LUM: variants seen among roughly 807,000 people sequenced by gnomAD.
The protein encoded by LUM is lumican, also known as KSPG lumican.
A neutral mutation model predicts 20.5 loss-of-function variants in LUM; 13 were observed. The ratio of observed to expected loss-of-function variants is 0.63; its 90% CI spans 0.41 to 1.01. The LOEUF is 1.01. Ranked by LOEUF, LUM falls within the 50% of genes least tolerant of loss-of-function variation. LUM has a pLI of 0.00. For synonymous variants in LUM, 173 were observed against 151.5 expected, an observed-to-expected ratio of 1.14 and a Z score of -1.04; for missense variants, 321 against 391.1, an observed-to-expected ratio of 0.82 and a Z score of 1.51.
intron 2 of LUM, among the ~76,000 whole-genome samples, chr12:91,106,623 G>A (rs1324860943): frequency 5.1e-5 from 7 of 136,838 alleles, no homozygotes; most frequent in Non-Finnish European, 7.6e-5. Flanking sequence ...GAGAAAGTGT[G>A]GAAATATCAA....
At chr12:91,106,273 C>T (rs1325597181) in intron 2 of LUM, among the ~76,000 whole-genome samples, 1 of 152,178 alleles carries the variant, frequency 6.6e-6, no homozygotes, top group African/African-American at 2.4e-5. Flanking sequence ...TACCTTTATT[C>T]AGCATGGCCA....
intron 2 of LUM, among the ~76,000 whole-genome samples, chr12:91,107,263 G>GA (rs369295129): frequency 1.2e-5 from 1 of 84,724 alleles, no homozygotes; most frequent in Non-Finnish European, 2.3e-5. Context: ...AAGAAAGAAA[G>GA]AAAGAAAGAA....
intron 2 of LUM, among the ~76,000 whole-genome samples, chr12:91,106,081 C>A (rs139664405): frequency 6.6e-6 from 1 of 152,122 alleles, no homozygotes; most frequent in Non-Finnish European, 1.5e-5. Context: ...GTGTGACAGT[C>A]AAACAGCACC....
chr12:91,106,621 G>A (rs1244090342), intron 2 of LUM, among the ~76,000 whole-genome samples: 1 of 141,786 alleles, frequency 7.1e-6, no homozygotes, highest in Admixed American at 7.5e-5. Flanking sequence ...AAGAGAAAGT[G>A]TGGAAATATC....
chr12:91,104,990 C>G (rs1371119416), intron 2 of LUM, among the ~76,000 whole-genome samples: 1 of 152,166 alleles, frequency 6.6e-6, no homozygotes, highest in Non-Finnish European at 1.5e-5. Flanking sequence ...AAGAGTGTTA[C>G]TGAATTGACT....
At position 91,108,036 on chromosome 12, in the gene LUM, C is replaced by A; in HGVS notation, c.862+82G>T. ...GCGACATTTTGTTTTTTTAATGGAG[C>A]CAGATGCAATATCTGTGTTGTGCAG... On this transcript the variant is annotated intron_variant, in intron 2 of 2. Transcript: ENST00000266718. The surrounding 1 kb of genome is among the most constrained non-coding windows in gnomAD (Gnocchi z 4.2). The A allele has an allele frequency of 6.8e-7, 1 of 1,473,060 alleles. No homozygotes were observed. The highest frequency in any genetic ancestry group is 1.7e-5 in the Admixed American group (1 of 59,648). 91.2% of individuals were successfully genotyped at this position (1,473,060 alleles called of 1,614,324 possible). A position where few individuals can be genotyped will look rare whatever the true frequency, so the allele number is the denominator to read the frequency against.
chr12:91,107,244 A>AAAG (rs1880071109), intron 2 of LUM, among the ~76,000 whole-genome samples: 1 of 30,268 alleles, frequency 3.3e-5, no homozygotes, highest in Non-Finnish European at 8.0e-5. Flanking sequence ...GAAAGGAAAG[A>AAAG]AAGAAAGAAA....
chr12:91,110,080 G>A (rs1397135292), intron 1 of LUM, among the ~76,000 whole-genome samples: 1 of 152,132 alleles, frequency 6.6e-6, no homozygotes, highest in Non-Finnish European at 1.5e-5. Context: ...CAATGTCTTA[G>A]GTGCAGCAAT....
At chr12:91,107,136 A>G (rs925240846) in intron 2 of LUM, among the ~76,000 whole-genome samples, 2 of 145,426 alleles carry the variant, frequency 1.4e-5, no homozygotes, top group Non-Finnish European at 3.0e-5. Flanking sequence ...ACAGAGTGAG[A>G]CCCTGTCAAA....
chr12:91,106,451 C>T (rs537915438), intron 2 of LUM, among the ~76,000 whole-genome samples: 9 of 151,948 alleles, frequency 5.9e-5, no homozygotes, highest in Non-Finnish European at 1.2e-4. Flanking sequence ...AGATTAATGG[C>T]AGAGTTATCC....
Position 91,108,039 on chromosome 12 carries a change from G to A in LUM, c.862+79C>T, listed in dbSNP as rs1880120819. The A allele has an allele frequency of 6.7e-7, 1 of 1,483,682 alleles. No homozygotes were observed. 91.9% of individuals were successfully genotyped at this position (1,483,682 alleles called of 1,614,324 possible). ...ACATTTTGTTTTTTTAATGGAGCCA[G>A]ATGCAATATCTGTGTTGTGCAGCCC... On this transcript the variant is annotated intron_variant, in intron 2 of 2. Coordinates refer to ENST00000266718, the MANE Select transcript of LUM (RefSeq NM_002345.4). The surrounding 1 kb of genome is among the most constrained non-coding windows in gnomAD (Gnocchi z 4.2).
At position 91,104,193 on chromosome 12, in the gene LUM, C is replaced by G. The variant is rs747899454; in HGVS notation, c.989G>C (p.Arg330Pro). Reference protein sequence around the residue: ...SLPPDMYECLRVANEVTLN With the variant: ...SLPPDMYECLPVANEVTLN ...ATTAAGAGTGACTTCGTTAGCAACA[C>G]GTAGACATTCATACATATCCGGTGG... Residue 330 changes from arginine to proline, a missense_variant, in exon 3 of 3, where the codon CGT (arginine) becomes CCT (proline). By Grantham distance (103) the Arg-to-Pro change is moderately radical. Transcript: ENST00000266718. 1.2e-6 allele frequency: 2 copies of G among 1,612,480 alleles called. No individual in the cohort carries two copies. Among genetic ancestry groups the G allele is most frequent in the Non-Finnish European group, 1.7e-6 (2 of 1,178,972 alleles).
chr12:91,106,729 T>C (rs1041893926), intron 2 of LUM, among the ~76,000 whole-genome samples: 13 of 129,814 alleles, frequency 1.0e-4, no homozygotes, highest in African/African-American at 2.8e-4. Flanking sequence ...GAATCTCCCA[T>C]CATATTTCTT....
chr12:91,105,591 G>A lies in LUM; in HGVS notation c.863-1272C>T, dbSNP rs191285969. On this transcript the variant is annotated intron_variant, in intron 2 of 2. Transcript: ENST00000266718. ...ATGTTGATATAGTTGATTATTATCT[G>A]GCAAAATAACCTAAACTGAGGTGAT... Among the ~76,000 whole-genome samples the A allele has an allele frequency of 2.0e-3, 298 of 152,210 alleles. 1 individual carries two copies. Among genetic ancestry groups the A allele is most frequent in the Non-Finnish European group, 3.5e-3 (237 of 67,996 alleles).
In LUM at chr12:91,108,614, A is replaced by G. The variant is rs779003400; in HGVS notation, c.366T>C (p.His122=). 4.3e-6 allele frequency: 7 copies of G among 1,613,654 alleles called. No individual in the cohort carries two copies. The highest frequency in any genetic ancestry group is 5.9e-6 in the Non-Finnish European group (7 of 1,179,882). Residue 122 remains histidine (H), a synonymous_variant, in exon 2 of 3, where the codon CAT becomes CAC. Coordinates refer to ENST00000266718, the MANE Select transcript of LUM (RefSeq NM_002345.4). The surrounding 1 kb of genome is among the most constrained non-coding windows in gnomAD (Gnocchi z 4.2). ...ACTCTGTCAGGTTGTTGTGGTTTAT[A>G]TGCAGCTTCTTCAGTTGTTTCAATT... ...FSKLKQLKKL[H]INHNNLTESV...
chr12:91,106,679 T>C (rs1341512034), intron 2 of LUM, among the ~76,000 whole-genome samples: 1 of 127,232 alleles, frequency 7.9e-6, no homozygotes, highest in African/African-American at 3.2e-5. Flanking sequence ...TCTGTAACAC[T>C]ATTTTTCTTC....
chr12:91,102,693 A>C lies in LUM; in HGVS notation c.*1472T>G, dbSNP rs1242669773. The C allele has an allele frequency of 6.6e-6, 1 of 152,112 alleles. No homozygotes were observed. Among genetic ancestry groups the C allele is most frequent in the Non-Finnish European group, 1.5e-5 (1 of 67,974 alleles). 9.4% of individuals were successfully genotyped at this position (152,112 alleles called of 1,614,324 possible). A position where few individuals can be genotyped will look rare whatever the true frequency, so the allele number is the denominator to read the frequency against. ...CAAGTTTAAACCAACAAATAAACTG[A>C]GGCTGCTATCACACTCTAAGGAATT... On this transcript the variant is annotated 3_prime_UTR_variant, in exon 3 of 3. Transcript: ENST00000266718.
chr12:91,106,151 C>T (rs757449044), intron 2 of LUM, among the ~76,000 whole-genome samples: 9 of 152,072 alleles, frequency 5.9e-5, no homozygotes, highest in East Asian at 5.8e-4. Flanking sequence ...TCAGAGTTGG[C>T]GAGTATGGTC....
At chr12:91,110,527 C>T (rs926862715) in intron 1 of LUM, among the ~76,000 whole-genome samples, 4 of 152,066 alleles carry the variant, frequency 2.6e-5, no homozygotes, top group African/African-American at 7.2e-5. Context: ...CTAAAAAGAA[C>T]GTGATGACAT....
Sources: gnomAD v4.1 joint callset for allele counts (sites outside exome capture counted in the v4.1 genomes callset) on GRCh38, gnomAD v4.1.1 for gene constraint, Gnocchi (gnomAD v3.1) non-coding constraint, MANE v1.5 for transcripts, NCBI Gene and HGNC (gene_info 2026-07-23, HGNC 2026-07-21) for gene names.